Variants in CDK5RAP2 observed in about 807,000 individuals in gnomAD.
CDK5RAP2 encodes the protein CDK5 regulatory subunit associated protein 2.
A neutral mutation model predicts 232.9 loss-of-function variants in CDK5RAP2; 147 were observed. The ratio of observed to expected loss-of-function variants is 0.63; its 90% CI spans 0.55 to 0.72. The LOEUF (loss-of-function observed/expected upper bound fraction) is 0.72, where lower values mean the gene tolerates loss of function less well. CDK5RAP2 is among the 30% of genes least tolerant of loss of function. CDK5RAP2 has a pLI of 0.00. For missense variants in CDK5RAP2, 2,195 were observed against 2,231.5 expected, an observed-to-expected ratio of 0.98 and a Z score of 0.33; for synonymous variants, 833 against 833.7, an observed-to-expected ratio of 1.00 and a Z score of 0.01.
intron 14 of CDK5RAP2, among the ~76,000 whole-genome samples, chr9:120,477,908 C>T (rs2038104045): frequency 1.3e-5 from 2 of 152,206 alleles, no homozygotes; most frequent in African/African-American, 4.8e-5. Flanking sequence ...CTGAGGTATT[C>T]TTGGGAGGCA....
intron 12 of CDK5RAP2, among the ~76,000 whole-genome samples, chr9:120,498,742 C>T (rs946532801): frequency 2.0e-4 from 30 of 149,706 alleles, no homozygotes; most frequent in African/African-American, 6.8e-4. Context: ...TATATATCAA[C>T]GGGTGTGGTG....
At chr9:120,500,384 T>C (rs2039518850) in intron 12 of CDK5RAP2, among the ~76,000 whole-genome samples, 1 of 152,246 alleles carries the variant, frequency 6.6e-6, no homozygotes, top group Admixed American at 6.5e-5. Context: ...CTTTCTACAA[T>C]GTGACAAACT....
chr9:120,517,119 C>T (rs2040372029), intron 12 of CDK5RAP2, among the ~76,000 whole-genome samples: 1 of 152,166 alleles, frequency 6.6e-6, no homozygotes, highest in East Asian at 1.9e-4. Context: ...TATTTAGCCT[C>T]TGATTAGACC....
At chr9:120,576,473 G>A (rs953771977) in intron 1 of CDK5RAP2, among the ~76,000 whole-genome samples, 2 of 152,122 alleles carry the variant, frequency 1.3e-5, no homozygotes, top group South Asian at 2.1e-4. Context: ...AGGCCAAGGC[G>A]GGCAGATCAC....
intron 17 of CDK5RAP2, among the ~76,000 whole-genome samples, chr9:120,469,793 A>G (rs1230382744): frequency 6.6e-6 from 1 of 152,252 alleles, no homozygotes; most frequent in African/African-American, 2.4e-5. Context: ...CAGTAAAATA[A>G]GGACATCGAT....
At chr9:120,409,441 C>T in intron 29 of CDK5RAP2, 125 bp from the exon 30 acceptor site, 1 of 773,896 alleles carries the variant, frequency 1.3e-6, no homozygotes, top group Non-Finnish European at 2.1e-6. Context: ...ATGATTTTGG[C>T]ATTCCAATTA....
At chr9:120,420,183 G>C (rs1219586637) in intron 26 of CDK5RAP2, among the ~76,000 whole-genome samples, 1 of 152,220 alleles carries the variant, frequency 6.6e-6, no homozygotes, top group Non-Finnish European at 1.5e-5. Flanking sequence ...GCAGGGGATT[G>C]TGCCTGTCCC....
In CDK5RAP2 at chr9:120,516,116, CA is replaced by C. The variant is rs576416356; in HGVS notation, c.1311+2310del. Among the ~76,000 whole-genome samples, 393 of 152,138 alleles carry C rather than the reference CA, an allele frequency of 2.6e-3. 4 individuals are homozygous for C. The highest frequency in any genetic ancestry group is 8.9e-3 in the African/African-American group (370 of 41,482). On this transcript the variant is annotated intron_variant, in intron 12 of 37. Coordinates refer to ENST00000349780, the MANE Select transcript of CDK5RAP2 (RefSeq NM_018249.6). ...CAACAGCAAAGACTTGGAACCAACC[CA>C]AATGTCCAACAATGATAGACTGGAT...
At position 120,389,042 on chromosome 9, in the gene CDK5RAP2, C is replaced by T. The variant is rs1166374076; in HGVS notation, c.*194G>A. The stretch of plus-strand genomic sequence containing the variant: ...AAGAGCTCGAGGCCTTTTTACCACC[C>T]GTTTGTGGAGCACCTGCACCTTTCT... On this transcript the variant is annotated 3_prime_UTR_variant, in exon 38 of 38. Transcript: ENST00000349780. The T allele has an allele frequency of 9.8e-6, 6 of 612,612 alleles. No individual in the cohort carries two copies. Among genetic ancestry groups the T allele is most frequent in the Non-Finnish European group, 1.4e-5 (5 of 346,250 alleles). 37.9% of individuals were successfully genotyped at this position (612,612 alleles called of 1,614,324 possible).
At chr9:120,428,839 A>G (rs1268485672) in intron 25 of CDK5RAP2, among the ~76,000 whole-genome samples, 7 of 152,244 alleles carry the variant, frequency 4.6e-5, no homozygotes, top group Admixed American at 4.6e-4. Flanking sequence ...CTTGATGAAC[A>G]TTGATGCAAA....
chr9:120,403,971 G>C lies in CDK5RAP2; in HGVS notation c.5041+65C>G. 8.8e-7 allele frequency: 1 copy of C among 1,132,434 alleles called. No homozygotes were observed. The highest frequency in any genetic ancestry group is 1.2e-5 in the South Asian group (1 of 81,120). 70.1% of individuals were successfully genotyped at this position (1,132,434 alleles called of 1,614,324 possible). Reference sequence around the variant, plus strand: ...TTGGGACCAGGGACCCCCCTTTTCTGCAAGTTAAAAAGTCTTACTGTCACA... The same window carrying C: ...TTGGGACCAGGGACCCCCCTTTTCTCCAAGTTAAAAAGTCTTACTGTCACA... On this transcript the variant is annotated intron_variant, in intron 33 of 37. Transcript: ENST00000349780. The surrounding 1 kb of genome is among the most constrained non-coding windows in gnomAD (Gnocchi z 4.2).
intron 2 of CDK5RAP2, among the ~76,000 whole-genome samples, chr9:120,568,830 A>C (rs1216352912): frequency 6.6e-6 from 1 of 152,224 alleles, no homozygotes; most frequent in Non-Finnish European, 1.5e-5. Flanking sequence ...CACAAAGCCT[A>C]AAATCTGTCA....
intron 17 of CDK5RAP2, among the ~76,000 whole-genome samples, chr9:120,468,306 G>C (rs533286442): frequency 1.2e-4 from 19 of 152,316 alleles, no homozygotes; most frequent in Non-Finnish European, 2.4e-4. Flanking sequence ...TGTGGTCACA[G>C]TGCACTAAAG....
intron 14 of CDK5RAP2, 122 bp downstream of exon 14, chr9:120,487,172 G>A: frequency 9.6e-7 from 1 of 1,038,892 alleles, no homozygotes; most frequent in South Asian, 1.3e-5. Context: ...CCTACCTGTT[G>A]TAGGCTCAGT....
intron 7 of CDK5RAP2, among the ~76,000 whole-genome samples, chr9:120,533,807 A>AG (rs1470610035): frequency 1.3e-5 from 2 of 149,784 alleles, no homozygotes; most frequent in African/African-American, 4.9e-5. Flanking sequence ...TAAAAAAAAA[A>AG]AAAAAAAAAA....
intron 26 of CDK5RAP2, among the ~76,000 whole-genome samples, chr9:120,421,917 C>T (rs987911790): frequency 6.6e-6 from 1 of 152,272 alleles, no homozygotes; most frequent in Non-Finnish European, 1.5e-5. Context: ...CTCTGACCCA[C>T]AGCTTCCTCA....
chr9:120,442,558 G>A (rs2035959957), intron 23 of CDK5RAP2, among the ~76,000 whole-genome samples: 1 of 152,342 alleles, frequency 6.6e-6, no homozygotes, highest in East Asian at 1.9e-4. Flanking sequence ...ATTCAGTAAT[G>A]AAGGGAAGTA....
intron 25 of CDK5RAP2, among the ~76,000 whole-genome samples, chr9:120,435,614 G>C (rs2035537283): frequency 6.6e-6 from 1 of 152,052 alleles, no homozygotes; most frequent in Non-Finnish European, 1.5e-5. Flanking sequence ...GGCTCTTGGA[G>C]AAATGGCTCA....
chr9:120,511,387 G>A (rs2040075386), intron 12 of CDK5RAP2, among the ~76,000 whole-genome samples: 1 of 152,156 alleles, frequency 6.6e-6, no homozygotes, highest in African/African-American at 2.4e-5. Flanking sequence ...TCCAAGAAAA[G>A]AGAATAATGG....
Sources: allele counts gnomAD v4.1 joint callset (sites outside exome capture counted in the v4.1 genomes callset), GRCh38; gene constraint gnomAD v4.1.1; non-coding constraint Gnocchi (gnomAD v3.1); transcripts MANE v1.5; gene names NCBI Gene and HGNC (gene_info 2026-07-23, HGNC 2026-07-21).